MRPS27: variants seen among roughly 807,000 people sequenced by gnomAD.
MRPS27 encodes the protein small ribosomal subunit protein mS27.
MRPS27 carries 43 observed loss-of-function variants against 48.9 expected under a neutral mutation model. That is an observed-to-expected ratio of 0.88 (90% CI 0.69 to 1.13). The LOEUF (loss-of-function observed/expected upper bound fraction) is 1.13, where lower values mean the gene tolerates loss of function less well. Among genes scored for constraint, MRPS27 ranks in the 50% most tolerant of loss-of-function variants. The pLI is 0.00. For missense variants in MRPS27, 467 were observed against 476.3 expected, an observed-to-expected ratio of 0.98 and a Z score of 0.18; for synonymous variants, 188 against 171.9, an observed-to-expected ratio of 1.09 and a Z score of -0.73.
chr5:72,223,728 C>T lies in MRPS27; in HGVS notation c.960G>A (p.Glu320=). 6.2e-7 allele frequency: 1 copy of T among 1,614,004 alleles called. No homozygotes were observed. The highest frequency in any genetic ancestry group is 8.5e-7 in the Non-Finnish European group (1 of 1,179,946). The change falls in exon 10 of 11, where the codon GAG becomes GAA. Residue 320 remains glutamate, a synonymous_variant. Coordinates refer to ENST00000261413, the MANE Select transcript of MRPS27 (RefSeq NM_015084.3). Reference sequence around the variant, plus strand: ...GAGGAAGCTTGGACTGCTCTGTTTCCTCGATGTCTAACTGCTCCACCAGTT... The same window carrying T: ...GAGGAAGCTTGGACTGCTCTGTTTCTTCGATGTCTAACTGCTCCACCAGTT... ...SEKLVEQLDI[E]ETEQSKLPQY...
intron 4 of MRPS27, among the ~76,000 whole-genome samples, chr5:72,277,097 A>G (rs1311543186): frequency 6.6e-6 from 1 of 152,150 alleles, no homozygotes; most frequent in Admixed American, 6.6e-5. Context: ...TATGCAGCCA[A>G]CAAACATATG....
chr5:72,268,801 T>C (rs1164518396), intron 4 of MRPS27, among the ~76,000 whole-genome samples: 1 of 152,232 alleles, frequency 6.6e-6, no homozygotes, highest in Non-Finnish European at 1.5e-5. Flanking sequence ...CAAGTGATTA[T>C]TATTTGACCT....
intron 4 of MRPS27, among the ~76,000 whole-genome samples, chr5:72,250,125 A>G (rs984965434): frequency 6.6e-6 from 1 of 152,260 alleles, no homozygotes; most frequent in African/African-American, 2.4e-5. Flanking sequence ...TAACACCCTG[A>G]TAATAAATTT....
intron 4 of MRPS27, among the ~76,000 whole-genome samples, chr5:72,259,652 G>A (rs556275455): frequency 2.6e-5 from 4 of 151,948 alleles, no homozygotes; most frequent in African/African-American, 9.7e-5. Flanking sequence ...ATCCAGAGCT[G>A]GTATTCTGGT....
At chr5:72,295,415 A>T in intron 4 of MRPS27, 116 bp downstream of exon 4, 2 of 740,734 alleles carry the variant, frequency 2.7e-6, no homozygotes, top group Non-Finnish European at 4.6e-6. Flanking sequence ...ATATGAAAAG[A>T]TCTTTAAAAT....
chr5:72,297,240 C>CT (rs1750004648), intron 3 of MRPS27, among the ~76,000 whole-genome samples: 1 of 152,158 alleles, frequency 6.6e-6, no homozygotes, highest in Non-Finnish European at 1.5e-5. Context: ...TGCAGTTTAA[C>CT]TTTAACATTA....
chr5:72,302,262 T>C (rs573926842), intron 2 of MRPS27, among the ~76,000 whole-genome samples: 5 of 152,210 alleles, frequency 3.3e-5, no homozygotes, highest in Non-Finnish European at 7.3e-5. Flanking sequence ...AAGAGTGCAA[T>C]GGCCCACAAG....
intron 10 of MRPS27, chr5:72,222,625 T>C (rs866672879): frequency 3.9e-5 from 6 of 152,200 alleles, no homozygotes; most frequent in Admixed American, 1.3e-4. Context: ...TCATAATATA[T>C]GGGGCTAAGG....
chr5:72,289,868 A>G (rs1002234543), intron 4 of MRPS27, among the ~76,000 whole-genome samples: 7 of 152,216 alleles, frequency 4.6e-5, no homozygotes, highest in Non-Finnish European at 1.0e-4. Flanking sequence ...GTTTAATTTC[A>G]TACATCTCTA....
Position 72,220,324 on chromosome 5 carries a change from C to G in MRPS27, c.*585G>C, listed in dbSNP as rs1354632320. 6.5e-6 allele frequency: 1 copy of G among 152,706 alleles called. No individual in the cohort carries two copies. The highest frequency in any genetic ancestry group is 1.5e-5 in the Non-Finnish European group (1 of 68,430). 9.5% of individuals were successfully genotyped at this position (152,706 alleles called of 1,614,324 possible). A position where few individuals can be genotyped will look rare whatever the true frequency, so the allele number is the denominator to read the frequency against. On this transcript the variant is annotated 3_prime_UTR_variant, in exon 11 of 11. Transcript: ENST00000261413. Reference sequence around the variant, plus strand: ...TCACTTGAGGTCAGGAGGTTGAGACCAGCCTGACCAACATGGTGAAACCCC... The same window carrying G: ...TCACTTGAGGTCAGGAGGTTGAGACGAGCCTGACCAACATGGTGAAACCCC...
At chr5:72,302,362 G>A (rs1160090619) in intron 2 of MRPS27, among the ~76,000 whole-genome samples, 1 of 152,136 alleles carries the variant, frequency 6.6e-6, no homozygotes, top group Admixed American at 6.5e-5. Flanking sequence ...AATTCCCTGG[G>A]TTTGAGGTAG....
rs1580122052 is a variant in MRPS27, at chr5:72,314,077, C to G, written c.151+4G>C. On this transcript the variant is annotated splice_donor_region_variant and intron_variant, in intron 2 of 10. Coordinates refer to ENST00000261413, the MANE Select transcript of MRPS27 (RefSeq NM_015084.3). ...ACACATATAATAGTCCAATAGGTAC[C>G]TACCAAGACAGTAATGTTCTTTTTC... 1 of 1,609,634 alleles carries G rather than the reference C, an allele frequency of 6.2e-7. No individual in the cohort carries two copies. The highest frequency in any genetic ancestry group is 8.5e-7 in the Non-Finnish European group (1 of 1,176,636).
chr5:72,289,443 CAG>C (rs1247066780), intron 4 of MRPS27, among the ~76,000 whole-genome samples: 1 of 149,932 alleles, frequency 6.7e-6, no homozygotes, highest in Non-Finnish European at 1.5e-5. Context: ...TTTTTTGAGA[CAG>C]GGGTCTCACT....
chr5:72,296,120 C>T (rs1288981065), intron 3 of MRPS27, among the ~76,000 whole-genome samples: 1 of 152,130 alleles, frequency 6.6e-6, no homozygotes, highest in Non-Finnish European at 1.5e-5. Flanking sequence ...AACAAACTCT[C>T]CCTTCAAACC....
chr5:72,314,152 C>CT lies in MRPS27; in HGVS notation c.79dup (p.Arg27LysfsTer26). On this transcript the variant is annotated frameshift_variant, in exon 2 of 11. Coordinates refer to ENST00000261413, the MANE Select transcript of MRPS27 (RefSeq NM_015084.3). LOFTEE classifies it high-confidence loss of function. ...TACATAGGCTGAAGAAAGCAGGTAT[C>CT]TTTTACCTGAGAAAATAGGCAATTA... 6.2e-7 allele frequency: 1 copy of CT among 1,611,686 alleles called. No individual in the cohort carries two copies. Among genetic ancestry groups the CT allele is most frequent in the Non-Finnish European group, 8.5e-7 (1 of 1,178,526 alleles).
intron 4 of MRPS27, among the ~76,000 whole-genome samples, chr5:72,262,556 C>A (rs928103228): frequency 6.6e-6 from 1 of 151,850 alleles, no homozygotes; most frequent in Non-Finnish European, 1.5e-5. Flanking sequence ...TGTTGGACAC[C>A]CCATTAAAGG....
At position 72,314,131 on chromosome 5, in the gene MRPS27, T is replaced by G; in HGVS notation, c.101A>C (p.Tyr34Ser). 1.2e-6 allele frequency: 2 copies of G among 1,613,132 alleles called. No individual in the cohort carries two copies. Among genetic ancestry groups the G allele is most frequent in the Non-Finnish European group, 1.7e-6 (2 of 1,179,428 alleles). Reference sequence around the variant, plus strand: ...TGCTTCCCATTTGTGGCTGTCTACATAGGCTGAAGAAAGCAGGTATCTTTT... The same window carrying G: ...TGCTTCCCATTTGTGGCTGTCTACAGAGGCTGAAGAAAGCAGGTATCTTTT... ...AGKRYLLSSA[Y>S]VDSHKWEARE... Residue 34 changes from tyrosine (Y) to serine (S), a missense_variant, in exon 2 of 11, where the codon TAT (tyrosine) becomes TCT (serine). Physicochemically the swap from Tyr to Ser is moderately radical, Grantham distance 144. Coordinates refer to ENST00000261413, the MANE Select transcript of MRPS27 (RefSeq NM_015084.3).
chr5:72,223,844 C>A lies in MRPS27; in HGVS notation c.844G>T (p.Val282Leu). ...DIKLCREALDVLGAVLKALTS... is the reference protein window; with the variant it reads ...DIKLCREALDLLGAVLKALTS... Reference sequence around the variant, plus strand: ...AGAGCCTTCAGCACTGCACCCAGCACATCGAGCTGTGGAGCAGAAAGAGGG... The same window carrying A: ...AGAGCCTTCAGCACTGCACCCAGCAAATCGAGCTGTGGAGCAGAAAGAGGG... Residue 282 changes from valine (V) to leucine (L), a missense_variant, in exon 10 of 11, where the codon GTG becomes TTG. Coordinates refer to ENST00000261413, the MANE Select transcript of MRPS27 (RefSeq NM_015084.3). 1 of 1,613,496 alleles carries A rather than the reference C, an allele frequency of 6.2e-7. No individual in the cohort carries two copies. Among genetic ancestry groups the A allele is most frequent in the Non-Finnish European group, 8.5e-7 (1 of 1,179,652 alleles).
In MRPS27 at chr5:72,220,736, C is replaced by T; in HGVS notation, c.*173G>A. On this transcript the variant is annotated 3_prime_UTR_variant, in exon 11 of 11. Coordinates refer to ENST00000261413, the MANE Select transcript of MRPS27 (RefSeq NM_015084.3). The stretch of plus-strand genomic sequence containing the variant: ...TAGCCACCTGCATAGTTCCATAGCC[C>T]TTCTTGGCATCTCGATGGGCAGTCA... The T allele has an allele frequency of 1.1e-6, 1 of 941,588 alleles. No homozygotes were observed. Among genetic ancestry groups the T allele is most frequent in the Non-Finnish European group, 1.6e-6 (1 of 633,572 alleles). 58.3% of individuals were successfully genotyped at this position (941,588 alleles called of 1,614,324 possible).
Sources: gnomAD v4.1 joint callset for allele counts (sites outside exome capture counted in the v4.1 genomes callset) on GRCh38, gnomAD v4.1.1 for gene constraint, MANE v1.5 for transcripts, NCBI Gene and HGNC (gene_info 2026-07-23, HGNC 2026-07-21) for gene names.